The following SBNO1 variants were observed in gnomAD, a reference collection of about 807,000 sequenced individuals.
The protein encoded by SBNO1 is strawberry notch homolog 1.
Under a neutral mutation model 173.6 loss-of-function variants are expected in SBNO1, and 23 were observed. The ratio of observed to expected loss-of-function variants is 0.13; its 90% CI spans 0.10 to 0.19. The LOEUF is 0.19. Among genes scored for constraint, SBNO1 ranks in the 10% least tolerant of loss-of-function variants. The pLI is 1.00. For synonymous variants in SBNO1, 632 were observed against 571.5 expected (o/e 1.11, Z -1.51); for missense variants, 1,238 against 1,671.2 (o/e 0.74, Z 4.52).
chr12:123,341,163 G>T, intron 4 of SBNO1, 75 bp from the exon 5 acceptor site: 1 of 877,548 alleles, frequency 1.1e-6, no homozygotes, highest in Non-Finnish European at 1.7e-6. Context: ...AAATCCAGAA[G>T]TTTAAGGCTG....
chr12:123,307,165 C>A (rs2048939323), intron 28 of SBNO1, among the ~76,000 whole-genome samples: 1 of 151,872 alleles, frequency 6.6e-6, no homozygotes, highest in Admixed American at 6.6e-5. Flanking sequence ...TGCTTATCAG[C>A]CTGGGTGACA....
rs749019015 is a variant in SBNO1, at chr12:123,345,305, T to C, written c.503A>G (p.Lys168Arg). The C allele has an allele frequency of 3.1e-6, 5 of 1,614,070 alleles. No individual in the cohort carries two copies. Among genetic ancestry groups the C allele is most frequent in the Non-Finnish European group, 4.2e-6 (5 of 1,180,028 alleles). Residue 168 changes from lysine (K) to arginine (R), a missense_variant, in exon 4 of 32, where the codon AAA becomes AGA. Coordinates refer to ENST00000602398, the MANE Select transcript of SBNO1 (RefSeq NM_001167856.3). ...LKNNSLNELMKLKPPANIAQP... is the reference protein window; with the variant it reads ...LKNNSLNELMRLKPPANIAQP... ...AGCAATATTAGCAGGTGGCTTTAGT[T>C]TCATCAGTTCATTAAGACTATTATT...
intron 20 of SBNO1, among the ~76,000 whole-genome samples, chr12:123,317,728 A>C (rs1329638140): frequency 1.3e-5 from 2 of 152,200 alleles, no homozygotes; most frequent in African/African-American, 4.8e-5. Context: ...AGATGCCTGG[A>C]CTTCAAGAGG....
intron 30 of SBNO1, among the ~76,000 whole-genome samples, chr12:123,299,614 G>A (rs1036635285): frequency 1.0e-4 from 15 of 143,110 alleles, no homozygotes; most frequent in South Asian, 2.3e-4. Context: ...CTCAGAGGCG[G>A]AGCTTGCAGT....
chr12:123,298,776 G>A (rs1164618624), intron 30 of SBNO1, among the ~76,000 whole-genome samples: 8 of 152,060 alleles, frequency 5.3e-5, no homozygotes, highest in Non-Finnish European at 1.2e-4. Flanking sequence ...TTATTTTACT[G>A]CAATATTGCT....
rs750668163 is a variant in SBNO1, at chr12:123,304,618, T to C, written c.3732A>G (p.Leu1244=). The C allele has an allele frequency of 6.4e-7, 1 of 1,566,822 alleles. No homozygotes were observed. The highest frequency in any genetic ancestry group is 2.2e-5 in the East Asian group (1 of 44,614). Residue 1244 remains leucine (L), a synonymous_variant, in exon 29 of 32, where the codon TTA becomes TTG. Coordinates refer to ENST00000602398, the MANE Select transcript of SBNO1 (RefSeq NM_001167856.3). ...YRPNTGKQLK[L]EIYADLKKKY... is the part of the protein sequence containing the mutation. ...TCTTTTTTAGATCAGCATAAATTTC[T>C]AATTTGAGCTGCTTCCCAGTATTTG... is the stretch of plus-strand genomic sequence containing the variant.
intron 9 of SBNO1, among the ~76,000 whole-genome samples, chr12:123,330,133 TGAGA>T (rs1248272839): frequency 1.3e-5 from 2 of 152,188 alleles, no homozygotes; most frequent in African/African-American, 4.8e-5. Flanking sequence ...CACTGAAAAT[TGAGA>T]GAATCAACTG....
Position 123,309,783 on chromosome 12 carries a change from C to T in SBNO1, c.3369G>A (p.Gln1123=). The T allele has an allele frequency of 6.2e-7, 1 of 1,613,076 alleles. No homozygotes were observed. Among genetic ancestry groups the T allele is most frequent in the Non-Finnish European group, 8.5e-7 (1 of 1,179,552 alleles). The change falls in exon 26 of 32, where the codon CAG becomes CAA. Residue 1123 remains glutamine (Q), a synonymous_variant. Coordinates refer to ENST00000602398, the MANE Select transcript of SBNO1 (RefSeq NM_001167856.3). ...MEVHQQNALF[Q]YFADTLTAVV... ...CTGCAGTAAGTGTGTCCGCAAAATACTGAAATAACGCATTCTGCTGATGCA... is the reference window on the plus strand; with the variant it reads ...CTGCAGTAAGTGTGTCCGCAAAATATTGAAATAACGCATTCTGCTGATGCA...
chr12:123,350,227 C>G, intron 2 of SBNO1, 83 bp downstream of exon 2: 2 of 1,516,560 alleles, frequency 1.3e-6, no homozygotes, highest in Non-Finnish European at 1.8e-6. Context: ...GCACCCCAGC[C>G]TGGGCCACAG....
chr12:123,310,499 T>G (rs934301156), intron 25 of SBNO1, among the ~76,000 whole-genome samples: 35 of 152,064 alleles, frequency 2.3e-4, no homozygotes, highest in Admixed American at 2.1e-3. Context: ...CCCAAAGTGA[T>G]GGGATTACAG....
rs1192652545 is a variant in SBNO1 at position 123,319,914 on chromosome 12, T to A, written c.2785A>T (p.Met929Leu). The change falls in exon 20 of 32, where the codon ATG becomes TTG. Residue 929 changes from methionine (M) to leucine (L), a missense_variant. This residue lies in a region of SBNO1 where 45 missense variants were observed against 85.5 expected (regional missense o/e 0.53). Coordinates refer to ENST00000602398, the MANE Select transcript of SBNO1 (RefSeq NM_001167856.3). ...GTAAAACATACCTTATCTCCATCCA[T>A]AAATCGTTGTTTTTCTGTGATGTTT... The part of the protein sequence containing the change: ...ILNITEKQRF[M>L]DGDKNIAIIS... 6.2e-7 allele frequency: 1 copy of A among 1,613,812 alleles called. No homozygotes were observed. The highest frequency in any genetic ancestry group is 1.3e-5 in the African/African-American group (1 of 74,940).
chr12:123,318,265 C>CGGTT (rs1418375634), intron 20 of SBNO1, among the ~76,000 whole-genome samples: 1 of 152,162 alleles, frequency 6.6e-6, no homozygotes, highest in East Asian at 1.9e-4. Context: ...CATGACGAAA[C>CGGTT]CTTGTCTCTA....
At chr12:123,308,438 A>C (rs952190625) in intron 28 of SBNO1, among the ~76,000 whole-genome samples, 8 of 152,172 alleles carry the variant, frequency 5.3e-5, no homozygotes, top group East Asian at 3.9e-4. Flanking sequence ...TGGGAGGCCA[A>C]GGCGGGCAGA....
At chr12:123,344,600 A>C (rs1162790683) in intron 4 of SBNO1, among the ~76,000 whole-genome samples, 6 of 152,154 alleles carry the variant, frequency 3.9e-5, no homozygotes, top group Non-Finnish European at 8.8e-5. Flanking sequence ...AATCCCAACA[A>C]CACTTTGGGA....
intron 5 of SBNO1, 129 bp from the exon 6 acceptor site, chr12:123,336,620 C>G (rs1413274574): frequency 3.2e-6 from 2 of 618,698 alleles, no homozygotes; most frequent in Non-Finnish European, 5.7e-6. Context: ...CACCTCAATA[C>G]TCCCTAAAAT....
Position 123,315,636 on chromosome 12 carries a change from A to C in SBNO1, c.2960T>G (p.Val987Gly). 6.2e-7 allele frequency: 1 copy of C among 1,613,536 alleles called. No homozygotes were observed. Among genetic ancestry groups the C allele is most frequent in the Non-Finnish European group, 8.5e-7 (1 of 1,179,518 alleles). Residue 987 changes from valine to glycine, a missense_variant, in exon 22 of 32, where the codon GTT becomes GGT. Coordinates refer to ENST00000602398, the MANE Select transcript of SBNO1 (RefSeq NM_001167856.3). ...QFGRTHRSNQ[V>G]TAPEYVFLIS... ...CAGAAAGACATACTCAGGAGCAGTA[A>C]CTTGGTTTGATCTATGAGTACGTCC... is the stretch of plus-strand genomic sequence containing the variant.
intron 1 of SBNO1, among the ~76,000 whole-genome samples, chr12:123,359,812 A>C (rs547957106): frequency 2.6e-5 from 4 of 152,318 alleles, no homozygotes; most frequent in Admixed American, 1.3e-4. Flanking sequence ...TTGTCTTAAC[A>C]CTTGGTGAGT....
chr12:123,321,516 T>C lies in SBNO1; in HGVS notation c.2323+19A>G, dbSNP rs564911135. On this transcript the variant is annotated intron_variant, in intron 17 of 31. Coordinates refer to ENST00000602398, the MANE Select transcript of SBNO1 (RefSeq NM_001167856.3). The stretch of plus-strand genomic sequence containing the variant: ...GAAATATTATATGCTTTCGTGTATA[T>C]TTAATATACTGAACTTACCATTTTC... 5.0e-5 allele frequency: 77 copies of C among 1,546,348 alleles called. No homozygotes were observed. In the East Asian group the frequency reaches 7.8e-4, roughly 16 times the overall value.
At chr12:123,340,245 G>C (rs543892681) in intron 5 of SBNO1, among the ~76,000 whole-genome samples, 1 of 152,048 alleles carries the variant, frequency 6.6e-6, no homozygotes, top group Non-Finnish European at 1.5e-5. Flanking sequence ...TAAATGTATG[G>C]AATCAATTGA....
Sources: gnomAD v4.1 joint callset for allele counts (sites outside exome capture counted in the v4.1 genomes callset) on GRCh38, gnomAD v4.1.1 for gene constraint, gnomAD v4.1.1 regional missense constraint, MANE v1.5 for transcripts, NCBI Gene and HGNC (gene_info 2026-07-23, HGNC 2026-07-21) for gene names.